The following SLCO1A2 variants were observed in gnomAD, a reference collection of about 807,000 sequenced individuals.
SLCO1A2 encodes the protein OATP-1.
Under a neutral mutation model 69.0 loss-of-function variants are expected in SLCO1A2, and 67 were observed. That is an observed-to-expected ratio of 0.97 (90% confidence interval 0.80 to 1.19). The LOEUF (loss-of-function observed/expected upper bound fraction) is 1.19. SLCO1A2 is among the 50% of genes most tolerant of loss of function. The pLI is 0.00. For missense variants in SLCO1A2, 787 were observed against 793.7 expected, an observed-to-expected ratio of 0.99 and a Z score of 0.10; for synonymous variants, 260 against 265.9, an observed-to-expected ratio of 0.98 and a Z score of 0.22.
intron 1 of SLCO1A2, among the ~76,000 whole-genome samples, chr12:21,382,652 G>T (rs544829284): frequency 6.6e-6 from 1 of 151,814 alleles, no homozygotes; most frequent in East Asian, 1.9e-4. Flanking sequence ...AAAATTAGCC[G>T]GGAATGATGG....
At chr12:21,383,100 A>G (rs1309934033) in intron 1 of SLCO1A2, among the ~76,000 whole-genome samples, 1 of 152,214 alleles carries the variant, frequency 6.6e-6, no homozygotes, top group African/African-American at 2.4e-5. Flanking sequence ...GAGAATAACA[A>G]TCTTTACCCT....
intron 1 of SLCO1A2, among the ~76,000 whole-genome samples, chr12:21,380,963 A>G (rs1354620021): frequency 6.6e-6 from 1 of 151,650 alleles, no homozygotes; most frequent in African/African-American, 2.4e-5. Context: ...TCTCTAAAAT[A>G]ATAACTGGTC....
At chr12:21,311,151 A>G (rs1950095797) in intron 4 of SLCO1A2, among the ~76,000 whole-genome samples, 1 of 152,208 alleles carries the variant, frequency 6.6e-6, no homozygotes, top group Non-Finnish European at 1.5e-5. Flanking sequence ...GATTGCAGCA[A>G]TTAAGTCACA....
At chr12:21,309,908 A>G (rs527692697) in intron 4 of SLCO1A2, among the ~76,000 whole-genome samples, 24 of 152,328 alleles carry the variant, frequency 1.6e-4, no homozygotes, top group African/African-American at 5.8e-4. Context: ...CAAGACAAAA[A>G]TAATACACTG....
upstream of SLCO1A2, among the ~76,000 whole-genome samples, chr12:21,336,392 T>G (rs1389658211): frequency 6.6e-6 from 1 of 150,752 alleles, no homozygotes; most frequent in South Asian, 2.1e-4. Flanking sequence ...TGACACTAAG[T>G]AACCATCTAG....
In SLCO1A2 at chr12:21,265,802, G is replaced by GT. The variant is rs1565453970; in HGVS notation, c.*3745dup. The GT allele has an allele frequency of 6.6e-6, 1 of 152,022 alleles. No homozygotes were observed. Among genetic ancestry groups the GT allele is most frequent in the Non-Finnish European group, 1.5e-5 (1 of 68,028 alleles). 9.4% of individuals were successfully genotyped at this position (152,022 alleles called of 1,614,324 possible). On this transcript the variant is annotated 3_prime_UTR_variant, in exon 15 of 15. Transcript: ENST00000683939. ...TTGCCTCTTTTTCCTTTTCCCCTTG[G>GT]TAATAAATTTGAGGGATCTAAGAAT...
At position 21,269,755 on chromosome 12, in the gene SLCO1A2, G is replaced by A. The variant is rs759443762; in HGVS notation, c.1806C>T (p.Leu602=). 5.6e-6 allele frequency: 9 copies of A among 1,607,260 alleles called. No homozygotes were observed. Among genetic ancestry groups the A allele is most frequent in the Non-Finnish European group, 5.1e-6 (6 of 1,176,594 alleles). ...ATCCTCTTAGTGCTGCCGGCAATCC[G>A]AGGTAGATGTATCTATTTTTTTAAA... is the stretch of plus-strand genomic sequence containing the variant. ...YDSTTFRYIY[L]GLPAALRGSS... The change falls in exon 15 of 15, where the codon CTC becomes CTT. Residue 602 remains leucine (L), a synonymous_variant. Coordinates refer to ENST00000683939, the MANE Select transcript of SLCO1A2 (RefSeq NM_001386879.1).
rs770658768 is a variant in SLCO1A2 at position 21,269,413 on chromosome 12, A to G, written c.*135T>C. Reference sequence around the variant, plus strand: ...TAGAAATATCATTAGTGAACATTTTATTATTTTGAGTTAAGAGGTTTTTTA... The same window carrying G: ...TAGAAATATCATTAGTGAACATTTTGTTATTTTGAGTTAAGAGGTTTTTTA... On this transcript the variant is annotated 3_prime_UTR_variant, in exon 15 of 15. Transcript: ENST00000683939. The G allele has an allele frequency of 1.6e-4, 93 of 584,454 alleles. No homozygotes were observed. The highest frequency in any genetic ancestry group is 4.7e-4 in the Admixed American group (14 of 29,808). 36.2% of individuals were successfully genotyped at this position (584,454 alleles called of 1,614,324 possible). A position where few individuals can be genotyped will look rare whatever the true frequency, so the allele number is the denominator to read the frequency against.
At chr12:21,348,581 C>A (rs982411362) in intron 2 of SLCO1A2, among the ~76,000 whole-genome samples, 1 of 152,126 alleles carries the variant, frequency 6.6e-6, no homozygotes, top group African/African-American at 2.4e-5. Flanking sequence ...GGATCTCATT[C>A]TTTTTTTACT....
intron 2 of SLCO1A2, among the ~76,000 whole-genome samples, chr12:21,326,219 G>A (rs1367542315): frequency 2.6e-5 from 4 of 152,146 alleles, no homozygotes; most frequent in East Asian, 1.9e-4. Flanking sequence ...CCCCAGCCAT[G>A]TGGAACTGTG....
At chr12:21,357,827 T>C (rs1471177761) in intron 2 of SLCO1A2, among the ~76,000 whole-genome samples, 1 of 152,218 alleles carries the variant, frequency 6.6e-6, no homozygotes. Flanking sequence ...TCTTTTAAAA[T>C]ATGAAAACAG....
chr12:21,335,767 T>A (rs1952862999), upstream of SLCO1A2, among the ~76,000 whole-genome samples: 1 of 152,092 alleles, frequency 6.6e-6, no homozygotes, highest in Non-Finnish European at 1.5e-5. Context: ...CACTATTATG[T>A]TTGAGTTTTG....
intron 2 of SLCO1A2, among the ~76,000 whole-genome samples, chr12:21,368,398 T>C (rs1406271663): frequency 6.6e-6 from 1 of 152,044 alleles, no homozygotes; most frequent in African/African-American, 2.4e-5. Context: ...GACAGAAAAT[T>C]GTAAATTAAA....
chr12:21,308,654 T>C (rs992984957), intron 4 of SLCO1A2, among the ~76,000 whole-genome samples: 12 of 152,192 alleles, frequency 7.9e-5, no homozygotes, highest in Non-Finnish European at 1.8e-4. Context: ...AACAGTGAGA[T>C]TCCAACTTCC....
chr12:21,411,501 C>T (rs574556744), intron 1 of SLCO1A2, among the ~76,000 whole-genome samples: 4 of 152,214 alleles, frequency 2.6e-5, no homozygotes, highest in East Asian at 1.9e-4. Context: ...ATTGTTATGG[C>T]TTTATCATAA....
chr12:21,376,389 A>G (rs1305273525), intron 1 of SLCO1A2: 6 of 310,406 alleles, frequency 1.9e-5, no homozygotes, highest in South Asian at 1.5e-4. Flanking sequence ...ATTCAATGCA[A>G]ATGTATGAAA....
rs114169144 is a variant in SLCO1A2 at position 21,281,830 on chromosome 12, T to A, written c.1611-6406A>T. 8.9e-3 allele frequency among the ~76,000 whole-genome samples: 1,357 copies of A among 152,172 alleles called. 21 individuals are homozygous for A. Among genetic ancestry groups the A allele is most frequent in the African/African-American group, 0.031 (1,270 of 41,536 alleles). ...CTATATGCCAATAACTTGGAAAACC[T>A]AGAAGAAATGGATGAAATCCTAGAC... On this transcript the variant is annotated intron_variant, in intron 12 of 14. Coordinates refer to ENST00000683939, the MANE Select transcript of SLCO1A2 (RefSeq NM_001386879.1).
At chr12:21,361,083 C>G (rs527567239) in intron 2 of SLCO1A2, among the ~76,000 whole-genome samples, 1 of 152,336 alleles carries the variant, frequency 6.6e-6, no homozygotes, top group African/African-American at 2.4e-5. Context: ...GGAAAGACTG[C>G]CTCCTCAAGT....
chr12:21,275,639 T>C (rs967972359), intron 12 of SLCO1A2, among the ~76,000 whole-genome samples: 1 of 152,088 alleles, frequency 6.6e-6, no homozygotes, highest in Non-Finnish European at 1.5e-5. Context: ...TCACTTTTTC[T>C]TATTAATACC....
Sources: gnomAD v4.1 joint callset for allele counts (sites outside exome capture counted in the v4.1 genomes callset) on GRCh38, gnomAD v4.1.1 for gene constraint, MANE v1.5 for transcripts, NCBI Gene and HGNC (gene_info 2026-07-23, HGNC 2026-07-21) for gene names.